NTRK3: variants seen among roughly 807,000 people sequenced by gnomAD.
NTRK3 encodes neurotrophic receptor tyrosine kinase 3.
A neutral mutation model predicts 91.7 loss-of-function variants in NTRK3; 24 were observed. That is an observed-to-expected ratio of 0.26 (90% CI 0.19 to 0.37). NTRK3 has a LOEUF of 0.37. NTRK3 is among the 10% of genes least tolerant of loss of function. The pLI, the probability that NTRK3 is intolerant of heterozygous loss-of-function variation, is 1.00. For synonymous variants in NTRK3, 483 were observed against 404.0 expected, an observed-to-expected ratio of 1.20 and a Z score of -2.34; for missense variants, 880 against 1,068.9, an observed-to-expected ratio of 0.82 and a Z score of 2.46.
At chr15:87,951,648 C>T (rs1479702657) in intron 14 of NTRK3, among the ~76,000 whole-genome samples, 1 of 152,184 alleles carries the variant, frequency 6.6e-6, no homozygotes, top group Admixed American at 6.5e-5. Flanking sequence ...TGAGTCCTTC[C>T]ACAGAGACTT....
At chr15:88,002,848 A>G (rs974991456) in intron 14 of NTRK3, among the ~76,000 whole-genome samples, 5 of 152,142 alleles carry the variant, frequency 3.3e-5, no homozygotes, top group African/African-American at 9.7e-5. Context: ...AAAAAAAACA[A>G]AAAGCAGACT....
chr15:88,065,610 G>T (rs929689186), intron 13 of NTRK3, among the ~76,000 whole-genome samples: 1 of 152,126 alleles, frequency 6.6e-6, no homozygotes, highest in Non-Finnish European at 1.5e-5. Context: ...CTGTCCCCAT[G>T]ATTTTTGTTC....
intron 17 of NTRK3, among the ~76,000 whole-genome samples, chr15:87,926,000 C>A (rs1668512730): frequency 6.6e-6 from 1 of 152,180 alleles, no homozygotes; most frequent in Non-Finnish European, 1.5e-5. Flanking sequence ...TGCTTAACAT[C>A]AACACAACTC....
rs143991209 is a variant in NTRK3 at position 87,905,827 on chromosome 15, C to A, written c.2133+23364G>T. Among the ~76,000 whole-genome samples, 182 of 152,254 alleles carry A rather than the reference C, an allele frequency of 1.2e-3. 1 individual carries two copies. Among genetic ancestry groups the A allele is most frequent in the African/African-American group, 4.2e-3 (175 of 41,542 alleles). ...ACTGAAGTTAAGCCTCCACCTCAGC[C>A]GAGGATGGAAGCCACACAGGAAGAT... is the stretch of plus-strand genomic sequence containing the variant. On this transcript the variant is annotated intron_variant, in intron 17 of 18. Coordinates refer to ENST00000394480, the Ensembl canonical transcript of NTRK3.
At chr15:88,026,175 G>A (rs975468035) in intron 14 of NTRK3, among the ~76,000 whole-genome samples, 1 of 152,158 alleles carries the variant, frequency 6.6e-6, no homozygotes, top group East Asian at 1.9e-4. Context: ...GGAGGCTGAG[G>A]CAGGAGAACG....
rs56699457 is a variant in NTRK3 at position 88,222,494 on chromosome 15, C to T, written c.248+33412G>A. On this transcript the variant is annotated intron_variant, in intron 3 of 18. Coordinates refer to ENST00000394480, the Ensembl canonical transcript of NTRK3. ...TCATATTTTTTAAAGATATATCATC[C>T]CTCATTTTAATCATCCATTTCAGTT... Among the ~76,000 whole-genome samples, 1,296 of 152,274 alleles carry T rather than the reference C, an allele frequency of 8.5e-3. 23 individuals carry two copies. The highest frequency in any genetic ancestry group is 0.03 in the African/African-American group (1,235 of 41,540).
chr15:88,165,679 T>C (rs60734209), intron 5 of NTRK3, among the ~76,000 whole-genome samples: 5,191 of 152,316 alleles, frequency 0.034, 254 homozygotes, highest in African/African-American at 0.12. Flanking sequence ...TTTTATGGTC[T>C]GTATTATTAT....
At chr15:88,136,750 C>T (rs1423762031) in intron 7 of NTRK3, 141 bp from the exon 8 acceptor site, 3 of 1,021,948 alleles carry the variant, frequency 2.9e-6, no homozygotes, top group Non-Finnish European at 4.3e-6. Context: ...TTGGAAGACC[C>T]GCAAATCCAA....
chr15:87,978,512 C>A (rs2073917433), intron 14 of NTRK3: 1 of 228,678 alleles, frequency 4.4e-6, no homozygotes, highest in Admixed American at 5.7e-5. Flanking sequence ...TTCCCTTGGT[C>A]CCTTGTGGTC....
At chr15:87,894,899 C>A (rs1334807626) in intron 17 of NTRK3, among the ~76,000 whole-genome samples, 1 of 152,172 alleles carries the variant, frequency 6.6e-6, no homozygotes, top group Non-Finnish European at 1.5e-5. Context: ...TGAACCAGTT[C>A]TTTGGCTCTC....
chr15:88,107,059 A>G (rs2050793149), intron 13 of NTRK3, among the ~76,000 whole-genome samples: 1 of 152,036 alleles, frequency 6.6e-6, no homozygotes, highest in African/African-American at 2.4e-5. Context: ...TGATGCTAAC[A>G]GTGGTCATTT....
intron 14 of NTRK3, among the ~76,000 whole-genome samples, chr15:88,006,925 G>A (rs77367429): frequency 0.027 from 4,116 of 152,210 alleles, 202 homozygotes; most frequent in African/African-American, 0.094. Context: ...TTCCTCATGC[G>A]TGAAAAAGCA....
At chr15:87,871,619 C>T (rs1161517559) in exon 19 of NTRK3, 1 of 229,452 alleles carries the variant, frequency 4.4e-6, no homozygotes, top group African/African-American at 2.2e-5. Flanking sequence ...GTTCAGAGAG[C>T]ACCAAATGAT....
At chr15:88,114,799 A>G (rs1159422598) in intron 13 of NTRK3, among the ~76,000 whole-genome samples, 3 of 152,216 alleles carry the variant, frequency 2.0e-5, no homozygotes, top group Non-Finnish European at 4.4e-5. Flanking sequence ...CTTTTATACT[A>G]TTAGGTTTTC....
chr15:88,221,958 G>C (rs2050272755), intron 3 of NTRK3, among the ~76,000 whole-genome samples: 2 of 152,206 alleles, frequency 1.3e-5, no homozygotes, highest in African/African-American at 4.8e-5. Flanking sequence ...CAGAACCAGG[G>C]CTTCTTGCAC....
intron 17 of NTRK3, among the ~76,000 whole-genome samples, chr15:87,886,676 C>CTACATATATATATATATATA (rs1555429880): frequency 1.3e-4 from 13 of 101,198 alleles, no homozygotes; most frequent in East Asian, 2.8e-4. Flanking sequence ...CCACTTTTTG[C>CTACATATATATATATATATA]TATATATATA....
At chr15:88,060,688 T>G (rs2046139048) in intron 13 of NTRK3, among the ~76,000 whole-genome samples, 1 of 152,122 alleles carries the variant, frequency 6.6e-6, no homozygotes, top group Non-Finnish European at 1.5e-5. Context: ...GTCCCTTACA[T>G]CACATGGCTC....
intron 13 of NTRK3, among the ~76,000 whole-genome samples, chr15:88,120,752 T>C (rs563004145): frequency 8.7e-4 from 133 of 152,342 alleles, no homozygotes; most frequent in African/African-American, 2.6e-3. Flanking sequence ...CTTGGAGGGA[T>C]TGAGCTGATG....
chr15:88,125,037 T>C (rs187685282), intron 13 of NTRK3, among the ~76,000 whole-genome samples: 1 of 152,304 alleles, frequency 6.6e-6, no homozygotes, highest in East Asian at 1.9e-4. Context: ...CGGAATGCAG[T>C]GGTGTGATGA....
Sources: allele counts gnomAD v4.1 joint callset (sites outside exome capture counted in the v4.1 genomes callset), GRCh38; gene constraint gnomAD v4.1.1; transcripts MANE v1.5; gene names NCBI Gene and HGNC (gene_info 2026-07-23, HGNC 2026-07-21).